The following MARCHF4 variants were observed in gnomAD, a reference collection of about 807,000 sequenced individuals.
MARCHF4 encodes E3 ubiquitin-protein ligase MARCHF4.
In MARCHF4, 14 loss-of-function variants were observed where a neutral mutation model predicts 43.9. The observed-to-expected ratio is 0.32, with a 90% confidence interval of 0.21 to 0.50. MARCHF4 has a LOEUF of 0.50. MARCHF4 is among the 20% of genes least tolerant of loss of function. The probability of loss-of-function intolerance (pLI) is 0.98; values close to 1 mark genes in which losing one functional copy is unlikely to be tolerated. For missense variants in MARCHF4, 468 were observed against 536.7 expected, an observed-to-expected ratio of 0.87 and a Z score of 1.27; for synonymous variants, 226 against 213.3, an observed-to-expected ratio of 1.06 and a Z score of -0.52.
intron 2 of MARCHF4, among the ~76,000 whole-genome samples, chr2:216,282,901 TC>T (rs1463314003): frequency 2.0e-5 from 3 of 152,216 alleles, no homozygotes; most frequent in African/African-American, 7.2e-5. Flanking sequence ...TCCTGTTTCT[TC>T]TGTTTTTCCC....
At chr2:216,366,912 AC>A (rs1217135742) in intron 1 of MARCHF4, among the ~76,000 whole-genome samples, 1 of 152,214 alleles carries the variant, frequency 6.6e-6, no homozygotes, top group Non-Finnish European at 1.5e-5. Context: ...CAACGGGCAC[AC>A]TGCAGGTGCC....
At chr2:216,306,440 A>G (rs1186181181) in intron 1 of MARCHF4, among the ~76,000 whole-genome samples, 1 of 152,226 alleles carries the variant, frequency 6.6e-6, no homozygotes, top group Admixed American at 6.5e-5. Flanking sequence ...GTGTCTTTAT[A>G]ATCTTTCCAA....
At chr2:216,261,959 A>G (rs1437240840) in intron 3 of MARCHF4, among the ~76,000 whole-genome samples, 1 of 152,204 alleles carries the variant, frequency 6.6e-6, no homozygotes, top group African/African-American at 2.4e-5. Flanking sequence ...GACTCTTTAC[A>G]ATGTTATCAA....
rs1395417675 is a variant in MARCHF4, at chr2:216,297,697, G to A, written c.517-13968C>T. Among the ~76,000 whole-genome samples the A allele has an allele frequency of 2.0e-5, 3 of 152,114 alleles. No homozygotes were observed. In the East Asian group the frequency reaches 5.8e-4, roughly 29 times the overall value. On this transcript the variant is annotated intron_variant, in intron 1 of 3. Coordinates refer to ENST00000273067, the MANE Select transcript of MARCHF4 (RefSeq NM_020814.3). ...CCCGCCTAATGTTTTTGTATTTTTAGTAGAGACAGGGTTTCTCCATGTTGG... is the reference window on the plus strand; with the variant it reads ...CCCGCCTAATGTTTTTGTATTTTTAATAGAGACAGGGTTTCTCCATGTTGG...
intron 1 of MARCHF4, among the ~76,000 whole-genome samples, chr2:216,309,081 T>C (rs537727971): frequency 6.6e-6 from 1 of 152,198 alleles, no homozygotes; most frequent in African/African-American, 2.4e-5. Flanking sequence ...CAACCACCAA[T>C]CCCCTATAAG....
In MARCHF4 at chr2:216,370,039, C is replaced by A. The variant is rs770401139; in HGVS notation, c.222G>T (p.Ala74=). The A allele has an allele frequency of 6.4e-7, 1 of 1,550,638 alleles. No homozygotes were observed. The highest frequency in any genetic ancestry group is 2.4e-5 in the East Asian group (1 of 41,444). ...MHGDPQPPGL[A]ANNTLPALGA... is the part of the protein sequence containing the mutation. ...CCAGAGCCGGAAGGGTGTTGTTGGC[C>A]GCCAAACCGGGGGGCTGGGGGTCGC... The change falls in exon 1 of 4, where the codon GCG becomes GCT. Residue 74 remains alanine (A), a synonymous_variant. Coordinates refer to ENST00000273067, the MANE Select transcript of MARCHF4 (RefSeq NM_020814.3).
At chr2:216,316,913 T>C (rs898166717) in intron 1 of MARCHF4, among the ~76,000 whole-genome samples, 2 of 152,130 alleles carry the variant, frequency 1.3e-5, no homozygotes. Context: ...GGGGAATTCC[T>C]TACATTTTGC....
In MARCHF4 at chr2:216,363,547, G is replaced by A. The variant is rs185809561; in HGVS notation, c.516+6198C>T. ...ATTAGAGCTTTGGTAAGAGCCTTGA[G>A]TGAAGAAAAGGTTCTTGGAGCTTCC... On this transcript the variant is annotated intron_variant, in intron 1 of 3. Transcript: ENST00000273067. 4.6e-5 allele frequency among the ~76,000 whole-genome samples: 7 copies of A among 152,318 alleles called. No homozygotes were observed. The East Asian group carries it at 1.3e-3, about 29-fold the overall frequency.
At chr2:216,272,279 A>G (rs1183581614) in intron 3 of MARCHF4, among the ~76,000 whole-genome samples, 1 of 152,186 alleles carries the variant, frequency 6.6e-6, no homozygotes, top group Non-Finnish European at 1.5e-5. Flanking sequence ...ATAAAATTTC[A>G]TCTCAATTTC....
At chr2:216,302,318 A>G (rs1691503476) in intron 1 of MARCHF4, among the ~76,000 whole-genome samples, 2 of 151,158 alleles carry the variant, frequency 1.3e-5, no homozygotes, top group South Asian at 4.2e-4. Flanking sequence ...TCCTGGGTTC[A>G]CTCCATTCTC....
intron 1 of MARCHF4, among the ~76,000 whole-genome samples, chr2:216,354,931 C>G (rs533109944): frequency 4.1e-3 from 541 of 132,232 alleles, no homozygotes; most frequent in Middle Eastern, 7.2e-3. Flanking sequence ...TTCTTTCTTT[C>G]TTTCTTTCTT....
chr2:216,320,609 TTC>T (rs750453921), intron 1 of MARCHF4, among the ~76,000 whole-genome samples: 4,628 of 34,988 alleles, frequency 0.13, 133 homozygotes, highest in South Asian at 0.22. Flanking sequence ...TAGCCTCTTT[TTC>T]TTTCTTTCTT....
chr2:216,320,982 CTT>C (rs373714560), intron 1 of MARCHF4, among the ~76,000 whole-genome samples: 124 of 151,624 alleles, frequency 8.2e-4, no homozygotes, highest in African/African-American at 3.0e-3. Flanking sequence ...CCAGATGCCT[CTT>C]TTTCTTTAAG....
chr2:216,259,237 G>C lies in MARCHF4; in HGVS notation c.*75C>G. Reference sequence around the variant, plus strand: ...CTGCCTGCTCCCTCTGTTGGCTCTGGGGGTGCCACTGCACCTCCCCACCCT... The same window carrying C: ...CTGCCTGCTCCCTCTGTTGGCTCTGCGGGTGCCACTGCACCTCCCCACCCT... On this transcript the variant is annotated 3_prime_UTR_variant, in exon 4 of 4. Coordinates refer to ENST00000273067, the MANE Select transcript of MARCHF4 (RefSeq NM_020814.3). The C allele has an allele frequency of 6.7e-7, 1 of 1,491,544 alleles. No homozygotes were observed. The highest frequency in any genetic ancestry group is 8.9e-7 in the Non-Finnish European group (1 of 1,123,760). 92.4% of individuals were successfully genotyped at this position (1,491,544 alleles called of 1,614,324 possible).
intron 1 of MARCHF4, among the ~76,000 whole-genome samples, chr2:216,348,212 T>A (rs1559104990): frequency 6.6e-6 from 1 of 150,418 alleles, no homozygotes; most frequent in African/African-American, 2.5e-5. Flanking sequence ...TAATTTTGTA[T>A]TTTTAGTAGA....
At chr2:216,280,664 C>A (rs989802662) in intron 2 of MARCHF4, among the ~76,000 whole-genome samples, 1 of 152,122 alleles carries the variant, frequency 6.6e-6, no homozygotes, top group Non-Finnish European at 1.5e-5. Flanking sequence ...AGACCTGGAC[C>A]CAGGAGTCAG....
intron 1 of MARCHF4, among the ~76,000 whole-genome samples, chr2:216,316,995 C>A (rs906434662): frequency 6.6e-6 from 1 of 152,116 alleles, no homozygotes; most frequent in African/African-American, 2.4e-5. Flanking sequence ...GAGAGGGGGA[C>A]TGCCTGCAAG....
Position 216,277,703 on chromosome 2 carries a change from C to T in MARCHF4, c.834G>A (p.Gly278=), listed in dbSNP as rs1259250310. The T allele has an allele frequency of 6.2e-7, 1 of 1,613,884 alleles. No individual in the cohort carries two copies. Among genetic ancestry groups the T allele is most frequent in the Admixed American group, 1.7e-5 (1 of 60,014 alleles). The part of the protein sequence containing the change: ...RQDLLFQICY[G]MYGFMDVVCI... ...ACACCACGTCCATGAAGCCATACAT[C>T]CCGTAGCAGATCTGGAAGAGAAGGT... Residue 278 remains glycine, a synonymous_variant, in exon 3 of 4, where the codon GGG becomes GGA. Transcript: ENST00000273067.
chr2:216,268,744 G>T (rs932471866), intron 3 of MARCHF4, among the ~76,000 whole-genome samples: 3 of 152,180 alleles, frequency 2.0e-5, no homozygotes, highest in Non-Finnish European at 2.9e-5. Flanking sequence ...GCACTAGGCT[G>T]CCTCCAACAA....
Sources: gnomAD v4.1 joint callset for allele counts (sites outside exome capture counted in the v4.1 genomes callset) on GRCh38, gnomAD v4.1.1 for gene constraint, MANE v1.5 for transcripts, NCBI Gene and HGNC (gene_info 2026-07-23, HGNC 2026-07-21) for gene names.